TOMM40: variants seen among roughly 807,000 people sequenced by gnomAD.
TOMM40 encodes the protein mitochondrial import receptor subunit TOM40 homolog.
A neutral mutation model predicts 38.4 loss-of-function variants in TOMM40; 9 were observed. The observed-to-expected ratio is 0.23, with a 90% CI of 0.14 to 0.41. TOMM40 has a LOEUF of 0.41. Among genes scored for constraint, TOMM40 ranks in the 10% least tolerant of loss-of-function variants. The probability of loss-of-function intolerance (pLI) is 1.00; values close to 1 mark genes in which losing one functional copy is unlikely to be tolerated. For synonymous variants in TOMM40, 184 were observed against 210.0 expected (o/e 0.88, Z 1.07); for missense variants, 299 against 486.5 (o/e 0.61, Z 3.63).
In TOMM40 at chr19:44,900,798, C is replaced by T; in HGVS notation, c.712C>T (p.His238Tyr). The change falls in exon 6 of 9, where the codon CAC becomes TAC. Residue 238 changes from histidine (H) to tyrosine (Y), a missense_variant. By Grantham distance (83) the His-to-Tyr change is moderately conservative. Transcript: ENST00000426677. ...CLALGGELVY[H>Y]RRPGEEGTVM... ...GGCCCTGGGTGGAGAGCTGGTCTAC[C>T]ACCGGCGGCCTGGAGAGGAGGGCAC... 1 of 1,613,916 alleles carries T rather than the reference C, an allele frequency of 6.2e-7. No homozygotes were observed.
chr19:44,900,381 G>A (rs145340285), intron 5 of TOMM40, among the ~76,000 whole-genome samples: 1 of 152,314 alleles, frequency 6.6e-6, no homozygotes, highest in East Asian at 1.9e-4. Flanking sequence ...AGGTGTGGAG[G>A]CTTGGATTCT....
intron 5 of TOMM40, among the ~76,000 whole-genome samples, chr19:44,896,178 G>A (rs1444640044): frequency 1.3e-5 from 2 of 152,258 alleles, no homozygotes; most frequent in African/African-American, 4.8e-5. Flanking sequence ...CACCAGTGAC[G>A]CTTTGGTCTC....
intron 5 of TOMM40, among the ~76,000 whole-genome samples, chr19:44,900,045 G>A (rs941301418): frequency 8.6e-5 from 13 of 151,896 alleles, no homozygotes; most frequent in African/African-American, 2.2e-4. Context: ...TGCTAGGCTC[G>A]AAAGACACCA....
chr19:44,901,178 A>G (rs1448197811), intron 7 of TOMM40, 30 bp from the exon 8 acceptor site: 7 of 1,613,844 alleles, frequency 4.3e-6, no homozygotes, highest in African/African-American at 1.3e-5. Context: ...GCCACTTGCT[A>G]ATTCTCATGT....
intron 5 of TOMM40, among the ~76,000 whole-genome samples, chr19:44,896,362 G>A (rs1438751784): frequency 1.3e-5 from 2 of 152,150 alleles, no homozygotes; most frequent in East Asian, 3.9e-4. Flanking sequence ...CAGCCCTTCT[G>A]GGCTTCAGTC....
Position 44,900,679 on chromosome 19 carries a change from T to G in TOMM40, c.644-51T>G, listed in dbSNP as rs1357784009. On this transcript the variant is annotated intron_variant, in intron 5 of 8. Coordinates refer to ENST00000426677, the MANE Select transcript of TOMM40 (RefSeq NM_001128917.2). ...CCTAGAGGGCTTCCTGGAGGTGGAGTCTAGCCTGGCACTCAGGGTGGGTGG... is the reference window on the plus strand; with the variant it reads ...CCTAGAGGGCTTCCTGGAGGTGGAGGCTAGCCTGGCACTCAGGGTGGGTGG... 4 of 1,610,880 alleles carry G rather than the reference T, an allele frequency of 2.5e-6. No homozygotes were observed. In the East Asian group the frequency reaches 6.7e-5, roughly 27 times the overall value.
At chr19:44,902,343 C>T (rs1044303403) in intron 8 of TOMM40, 8 of 152,276 alleles carry the variant, frequency 5.3e-5, no homozygotes, top group African/African-American at 1.9e-4. Context: ...GCTAGGACCA[C>T]AGGTGTATGC....
At position 44,895,681 on chromosome 19, in the gene TOMM40, G is replaced by A. The variant is rs575791956; in HGVS notation, c.643+1615G>A. Among the ~76,000 whole-genome samples, 11 of 152,146 alleles carry A rather than the reference G, an allele frequency of 7.2e-5. No individual in the cohort carries two copies. In the East Asian group the frequency reaches 1.9e-3, roughly 27 times the overall value. ...GGCTCCCTAGTATCCCTAGTAGCTG[G>A]GACTACAGGCGCGCGCCACCATGCC... On this transcript the variant is annotated intron_variant, in intron 5 of 8. Transcript: ENST00000426677.
At chr19:44,892,342 G>A (rs748665114) in intron 1 of TOMM40, 51 bp from the exon 2 acceptor site, 1 of 1,557,668 alleles carries the variant, frequency 6.4e-7, no homozygotes, top group Non-Finnish European at 8.9e-7. Context: ...AGGAAGAGAT[G>A]AGAGTTGGTG....
chr19:44,897,200 T>C (rs1337755289), intron 5 of TOMM40, among the ~76,000 whole-genome samples: 1 of 151,936 alleles, frequency 6.6e-6, no homozygotes, highest in Non-Finnish European at 1.5e-5. Context: ...GGCATGAGAC[T>C]AGAGAGGAGG....
chr19:44,899,957 GTCCC>G (rs1193129178), intron 5 of TOMM40, among the ~76,000 whole-genome samples: 1 of 151,518 alleles, frequency 6.6e-6, no homozygotes, highest in Non-Finnish European at 1.5e-5. Context: ...TTCTTTCCCT[GTCCC>G]TCCCTCTCTA....
chr19:44,894,372 C>T (rs1969526808), intron 5 of TOMM40, among the ~76,000 whole-genome samples: 1 of 151,046 alleles, frequency 6.6e-6, no homozygotes. Context: ...TGCAATTCTC[C>T]TGCCTCAGCC....
chr19:44,894,269 T>A (rs1969524418), intron 5 of TOMM40, among the ~76,000 whole-genome samples: 1 of 150,184 alleles, frequency 6.7e-6, no homozygotes, highest in Non-Finnish European at 1.5e-5. Flanking sequence ...GTCTTTTTTT[T>A]TTTTTTTTTT....
chr19:44,892,027 G>C (rs1969476849), intron 1 of TOMM40, among the ~76,000 whole-genome samples: 1 of 152,206 alleles, frequency 6.6e-6, no homozygotes, highest in Admixed American at 6.5e-5. Context: ...TTGGGTATGG[G>C]ACCCAAAGCC....
chr19:44,899,085 A>AT (rs542555887), intron 5 of TOMM40, among the ~76,000 whole-genome samples: 4,383 of 148,150 alleles, frequency 0.03, 206 homozygotes, highest in African/African-American at 0.1. Flanking sequence ...GTGAGCCGAG[A>AT]TAGTGCCACT....
intron 1 of TOMM40, 23 bp downstream of exon 1, chr19:44,891,712 T>G (rs184017): frequency 0.23 from 324,204 of 1,419,898 alleles, 38,870 homozygotes; most frequent in African/African-American, 0.45. Context: ...GGGCCCCCGC[T>G]GGGCTGCGAT....
chr19:44,899,925 G>A lies in TOMM40; in HGVS notation c.644-805G>A, dbSNP rs148998607. Among the ~76,000 whole-genome samples, 670 of 150,036 alleles carry A rather than the reference G, an allele frequency of 4.5e-3. 1 individual carries two copies. Among genetic ancestry groups the A allele is most frequent in the African/African-American group, 0.015 (623 of 41,022 alleles). On this transcript the variant is annotated intron_variant, in intron 5 of 8. Transcript: ENST00000426677. ...CCCAAATAGCTGGGATTACAGGCAC[G>A]TGCCACCACGCCAGGCTTGTTTTCT... is the stretch of plus-strand genomic sequence containing the variant.
At chr19:44,900,489 G>C (rs1276764336) in intron 5 of TOMM40, among the ~76,000 whole-genome samples, 1 of 152,166 alleles carries the variant, frequency 6.6e-6, no homozygotes, top group Non-Finnish European at 1.5e-5. Flanking sequence ...GATAAATGCT[G>C]ACCACATGGG....
intron 6 of TOMM40, 51 bp from the exon 7 acceptor site, chr19:44,900,977 G>A: frequency 6.2e-7 from 1 of 1,612,142 alleles, no homozygotes; most frequent in Non-Finnish European, 8.5e-7. Flanking sequence ...GTTCCCAGAT[G>A]CCCAAATCCC....
Sources: gnomAD v4.1 joint callset for allele counts (sites outside exome capture counted in the v4.1 genomes callset) on GRCh38, gnomAD v4.1.1 for gene constraint, MANE v1.5 for transcripts, NCBI Gene and HGNC (gene_info 2026-07-23, HGNC 2026-07-21) for gene names.